WDFY3: variants seen among roughly 807,000 people sequenced by gnomAD.
The protein encoded by WDFY3 is WD repeat and FYVE domain containing 3, also known as WD repeat and FYVE domain-containing protein 3.
A neutral mutation model predicts 409.6 loss-of-function variants in WDFY3; 66 were observed. The ratio of observed to expected loss-of-function variants is 0.16; its 90% CI spans 0.13 to 0.20. The LOEUF (loss-of-function observed/expected upper bound fraction) is 0.20. Among genes scored for constraint, WDFY3 ranks in the 10% least tolerant of loss-of-function variants. The probability of loss-of-function intolerance (pLI) is 1.00; values close to 1 mark genes in which losing one functional copy is unlikely to be tolerated. For missense variants in WDFY3, 3,031 were observed against 4,298.1 expected, an observed-to-expected ratio of 0.71 and a Z score of 8.24; for synonymous variants, 1,521 against 1,537.1, an observed-to-expected ratio of 0.99 and a Z score of 0.25.
At chr4:84,855,441 A>T (rs2150155168) in intron 4 of WDFY3, among the ~76,000 whole-genome samples, 1 of 152,344 alleles carries the variant, frequency 6.6e-6, no homozygotes, top group Middle Eastern at 3.4e-3. Context: ...AGATTTCAGA[A>T]GATTTCCTGG....
At chr4:84,857,705 C>A (rs1019947251) in intron 4 of WDFY3, among the ~76,000 whole-genome samples, 1 of 152,092 alleles carries the variant, frequency 6.6e-6, no homozygotes, top group Non-Finnish European at 1.5e-5. Flanking sequence ...CTTTCCCCAC[C>A]TCTTCTCACG....
chr4:84,670,698 G>C lies in WDFY3; in HGVS notation c.*2170C>G, dbSNP rs889349773. 4 of 152,620 alleles carry C rather than the reference G, an allele frequency of 2.6e-5. No homozygotes were observed. Among genetic ancestry groups the C allele is most frequent in the African/African-American group, 9.7e-5 (4 of 41,444 alleles). 9.5% of individuals were successfully genotyped at this position (152,620 alleles called of 1,614,324 possible). On this transcript the variant is annotated 3_prime_UTR_variant, in exon 68 of 68. Coordinates refer to ENST00000295888, the MANE Select transcript of WDFY3 (RefSeq NM_014991.6). Reference sequence around the variant, plus strand: ...AAGAACACCTCTGCCACTGGGTATGGGGTAAACATGATTCATGGACAAAAG... The same window carrying C: ...AAGAACACCTCTGCCACTGGGTATGCGGTAAACATGATTCATGGACAAAAG...
chr4:84,936,618 A>G (rs966531312), intron 1 of WDFY3, among the ~76,000 whole-genome samples: 1 of 152,144 alleles, frequency 6.6e-6, no homozygotes, highest in African/African-American at 2.4e-5. Context: ...CTTTATACAA[A>G]GTAGCCAGTT....
At chr4:84,713,779 G>T (rs908075728) in intron 50 of WDFY3, among the ~76,000 whole-genome samples, 3 of 152,154 alleles carry the variant, frequency 2.0e-5, no homozygotes, top group African/African-American at 7.2e-5. Flanking sequence ...ACATTCAAAA[G>T]AATTATCTTT....
chr4:84,883,722 G>A (rs1044188795), intron 3 of WDFY3, among the ~76,000 whole-genome samples: 2 of 152,016 alleles, frequency 1.3e-5, no homozygotes, highest in African/African-American at 2.4e-5. Flanking sequence ...TGGGGAAAAG[G>A]GAAAGACTAT....
At chr4:84,813,796 T>G (rs935698817) in intron 13 of WDFY3, among the ~76,000 whole-genome samples, 1 of 152,310 alleles carries the variant, frequency 6.6e-6, no homozygotes, top group Non-Finnish European at 1.5e-5. Flanking sequence ...GTTGGCAACC[T>G]TAGCATCTTT....
Position 84,705,617 on chromosome 4 carries a change from G to A in WDFY3, c.8218-106C>T. ...ATGATGATGATTTATAAACGCACTAGTATCTGTGGGGTCAAACTGGTATAA... is the reference window on the plus strand; with the variant it reads ...ATGATGATGATTTATAAACGCACTAATATCTGTGGGGTCAAACTGGTATAA... On this transcript the variant is annotated intron_variant, in intron 53 of 67. Transcript: ENST00000295888. The A allele has an allele frequency of 3.4e-6, 3 of 879,446 alleles. 1 individual carries two copies. In the South Asian group the frequency reaches 4.6e-5, roughly 13 times the overall value. 54.5% of individuals were successfully genotyped at this position (879,446 alleles called of 1,614,324 possible).
chr4:84,882,866 T>C (rs1016405102), intron 3 of WDFY3, among the ~76,000 whole-genome samples: 5 of 152,004 alleles, frequency 3.3e-5, no homozygotes, highest in African/African-American at 1.2e-4. Flanking sequence ...GGTATGCACA[T>C]GTGGCTCATT....
At chr4:84,908,141 A>G (rs1035467697) in intron 2 of WDFY3, among the ~76,000 whole-genome samples, 8 of 152,218 alleles carry the variant, frequency 5.3e-5, no homozygotes, top group African/African-American at 1.9e-4. Context: ...AAGTAGGGTA[A>G]GATTCACATT....
At chr4:84,717,609 G>T (rs1734150793) in intron 48 of WDFY3, among the ~76,000 whole-genome samples, 1 of 152,102 alleles carries the variant, frequency 6.6e-6, no homozygotes. Flanking sequence ...TTTCTTCTAG[G>T]TTGGTCTGTC....
chr4:84,933,937 T>TA (rs1308241268), intron 1 of WDFY3, among the ~76,000 whole-genome samples: 13 of 152,162 alleles, frequency 8.5e-5, no homozygotes, highest in Non-Finnish European at 1.5e-4. Context: ...GATAGACACT[T>TA]AGTTTGCATC....
intron 3 of WDFY3, among the ~76,000 whole-genome samples, chr4:84,894,645 G>A (rs1454210326): frequency 6.6e-6 from 1 of 152,034 alleles, no homozygotes; most frequent in African/African-American, 2.4e-5. Flanking sequence ...AAATTAGCCG[G>A]GCATGGGGCA....
chr4:84,723,126 C>G (rs1231008287), intron 46 of WDFY3, among the ~76,000 whole-genome samples: 1 of 152,180 alleles, frequency 6.6e-6, no homozygotes, highest in Admixed American at 6.5e-5. Flanking sequence ...GGCTTGTATC[C>G]AGCAACAGCT....
chr4:84,943,938 A>G (rs1772472597), intron 1 of WDFY3, among the ~76,000 whole-genome samples: 1 of 152,176 alleles, frequency 6.6e-6, no homozygotes, highest in African/African-American at 2.4e-5. Context: ...TTCCAATTTG[A>G]CCTCTGAATT....
intron 3 of WDFY3, among the ~76,000 whole-genome samples, chr4:84,874,446 A>G (rs575373097): frequency 6.6e-6 from 1 of 152,138 alleles, no homozygotes; most frequent in East Asian, 2.0e-4. Context: ...AGCAGGTATC[A>G]TACCACTTTT....
intron 62 of WDFY3, among the ~76,000 whole-genome samples, chr4:84,686,053 A>G (rs1728257412): frequency 6.6e-6 from 1 of 152,176 alleles, no homozygotes; most frequent in Non-Finnish European, 1.5e-5. Flanking sequence ...TTCAGACAGA[A>G]AAAACAAATT....
chr4:84,719,954 C>G (rs1328370913), intron 47 of WDFY3, among the ~76,000 whole-genome samples: 1 of 152,168 alleles, frequency 6.6e-6, no homozygotes, highest in Non-Finnish European at 1.5e-5. Flanking sequence ...GTGACTACTT[C>G]TTAGAGGGTA....
At chr4:84,845,636 G>T (rs959227899) in intron 5 of WDFY3, among the ~76,000 whole-genome samples, 1 of 152,062 alleles carries the variant, frequency 6.6e-6, no homozygotes, top group Non-Finnish European at 1.5e-5. Flanking sequence ...TTAAGAGTTG[G>T]ATGATTTAGG....
intron 2 of WDFY3, among the ~76,000 whole-genome samples, chr4:84,909,032 A>G (rs1767419216): frequency 6.7e-6 from 1 of 149,070 alleles, no homozygotes; most frequent in Non-Finnish European, 1.5e-5. Flanking sequence ...GTATCCATAC[A>G]CACACACACA....
Sources: gnomAD v4.1 joint callset for allele counts (sites outside exome capture counted in the v4.1 genomes callset) on GRCh38, gnomAD v4.1.1 for gene constraint, MANE v1.5 for transcripts, NCBI Gene and HGNC (gene_info 2026-07-23, HGNC 2026-07-21) for gene names.